The following PRTG variants were observed in gnomAD, a reference collection of about 807,000 sequenced individuals.
The protein encoded by PRTG is protogenin.
In PRTG, 67 loss-of-function variants were observed where a neutral mutation model predicts 122.5. That is an observed-to-expected ratio of 0.55 (90% CI 0.45 to 0.67). PRTG has a LOEUF of 0.67. Among genes scored for constraint, PRTG ranks in the 30% least tolerant of loss-of-function variants. PRTG has a pLI of 0.00. For synonymous variants in PRTG, 554 were observed against 501.1 expected, an observed-to-expected ratio of 1.11 and a Z score of -1.41; for missense variants, 1,435 against 1,415.4, an observed-to-expected ratio of 1.01 and a Z score of -0.22.
chr15:55,666,984 C>G (rs1241003921), intron 11 of PRTG, among the ~76,000 whole-genome samples: 2 of 152,104 alleles, frequency 1.3e-5, no homozygotes, highest in Admixed American at 1.3e-4. Context: ...TTTTCTTTTA[C>G]CGTCAGTGCC....
At chr15:55,642,803 T>C (rs1474967793) in intron 11 of PRTG, among the ~76,000 whole-genome samples, 1 of 152,060 alleles carries the variant, frequency 6.6e-6, no homozygotes, top group African/African-American at 2.4e-5. Flanking sequence ...AATCTAAAAA[T>C]AGAGGATGGG....
rs373946986 is a variant in PRTG, at chr15:55,673,394, G to A, written c.1829C>T (p.Thr610Met). ...GESSVWTSHR[T>M]PKATSVKAPK... ...ACCTTTCACGCTTGTAGCTTTGGGC[G>A]TCCTATGTGAAGTCCATACTGATGA... The change falls in exon 10 of 20, where the codon ACG (threonine) becomes ATG (methionine). Residue 610 changes from threonine (T) to methionine (M), a missense_variant. Coordinates refer to ENST00000389286, the MANE Select transcript of PRTG (RefSeq NM_173814.6). 2.0e-5 allele frequency: 32 copies of A among 1,612,798 alleles called. No individual in the cohort carries two copies. Among genetic ancestry groups the A allele is most frequent in the African/African-American group, 1.6e-4 (12 of 74,866 alleles).
At chr15:55,688,595 G>T (rs146095315) in intron 2 of PRTG, among the ~76,000 whole-genome samples, 118 of 152,272 alleles carry the variant, frequency 7.7e-4, no homozygotes, top group African/African-American at 2.6e-3. Flanking sequence ...CAGCACTTTG[G>T]GAGGCCAAGG....
At chr15:55,715,498 G>A (rs1158677425) in intron 2 of PRTG, among the ~76,000 whole-genome samples, 4 of 152,194 alleles carry the variant, frequency 2.6e-5, no homozygotes, top group African/African-American at 9.6e-5. Flanking sequence ...TTGAGAGTAT[G>A]TGAAGCATTT....
intron 16 of PRTG, among the ~76,000 whole-genome samples, chr15:55,628,386 GA>G (rs35201571): frequency 0.84 from 119,531 of 142,712 alleles, 49,892 homozygotes; most frequent in East Asian, 0.93. Flanking sequence ...GACAGAGAGG[GA>G]AAAAAAAAAA....
At chr15:55,708,795 T>C (rs1256647946) in intron 2 of PRTG, among the ~76,000 whole-genome samples, 1 of 152,048 alleles carries the variant, frequency 6.6e-6, no homozygotes, top group Non-Finnish European at 1.5e-5. Flanking sequence ...GAGGCTGTGA[T>C]ATACTTTTTT....
At chr15:55,724,580 G>A (rs1378991199) in intron 2 of PRTG, among the ~76,000 whole-genome samples, 4 of 151,562 alleles carry the variant, frequency 2.6e-5, no homozygotes, top group Admixed American at 6.6e-5. Flanking sequence ...GCAAAACCCT[G>A]TCTCTACTTA....
chr15:55,691,278 A>G (rs1295364755), intron 2 of PRTG, among the ~76,000 whole-genome samples: 4 of 147,636 alleles, frequency 2.7e-5, no homozygotes, highest in African/African-American at 1.0e-4. Flanking sequence ...CCTGGGAAAC[A>G]AGAGTAAAAC....
At position 55,659,078 on chromosome 15, in the gene PRTG, T is replaced by C. The variant is rs189874718; in HGVS notation, c.2041+13367A>G. Among the ~76,000 whole-genome samples, 12 of 152,314 alleles carry C rather than the reference T, an allele frequency of 7.9e-5. No homozygotes were observed. The East Asian group carries it at 2.3e-3, about 29-fold the overall frequency. ...CAGCTGAGGCAGCTGCTCTAGTTCCTATGATAAATCAAGATAAAGGTCAAT... is the reference window on the plus strand; with the variant it reads ...CAGCTGAGGCAGCTGCTCTAGTTCCCATGATAAATCAAGATAAAGGTCAAT... On this transcript the variant is annotated intron_variant, in intron 11 of 19. Coordinates refer to ENST00000389286, the MANE Select transcript of PRTG (RefSeq NM_173814.6).
rs988776847 is a variant in PRTG at position 55,617,115 on chromosome 15, C to T, written c.*2897G>A. 1 of 151,956 alleles carries T rather than the reference C, an allele frequency of 6.6e-6. No homozygotes were observed. The highest frequency in any genetic ancestry group is 2.4e-5 in the African/African-American group (1 of 41,406). The allele number at this position is 151,956 out of a possible 1,614,324, so 9.4% of individuals were successfully genotyped here. A position where few individuals can be genotyped will look rare whatever the true frequency, so the allele number is the denominator to read the frequency against. Reference sequence around the variant, plus strand: ...AGTGAAAATCTTCACATTTTAATTACAATTTCATACTTAAGACTTCAAAGA... The same window carrying T: ...AGTGAAAATCTTCACATTTTAATTATAATTTCATACTTAAGACTTCAAAGA... On this transcript the variant is annotated 3_prime_UTR_variant, in exon 20 of 20. Coordinates refer to ENST00000389286, the MANE Select transcript of PRTG (RefSeq NM_173814.6).
chr15:55,629,371 A>ATGTGTGTGTGTGTGTGTGTG, intron 15 of PRTG, among the ~76,000 whole-genome samples: 1 of 35,558 alleles, frequency 2.8e-5, no homozygotes, highest in African/African-American at 8.5e-5. Flanking sequence ...ATATATATAT[A>ATGTGTGTGTGTGTGTGTGTG]TATATGTGTG....
rs74017553 is a variant in PRTG at position 55,710,035 on chromosome 15, A to C, written c.398-26104T>G. On this transcript the variant is annotated intron_variant, in intron 2 of 19. Transcript: ENST00000389286. Reference sequence around the variant, plus strand: ...TAACATTTTTTAAATCTGAAAAAAAACCCGGCATATGTGGGCATATATGTG... The same window carrying C: ...TAACATTTTTTAAATCTGAAAAAAACCCCGGCATATGTGGGCATATATGTG... 2.1e-3 allele frequency among the ~76,000 whole-genome samples: 327 copies of C among 152,278 alleles called. 3 individuals are homozygous for C. The highest frequency in any genetic ancestry group is 7.8e-3 in the African/African-American group (324 of 41,552).
At chr15:55,720,157 T>C (rs2141867063) in intron 2 of PRTG, among the ~76,000 whole-genome samples, 1 of 152,132 alleles carries the variant, frequency 6.6e-6, no homozygotes, top group East Asian at 1.9e-4. Context: ...GGCAGGCGGA[T>C]CACCTGAGGT....
chr15:55,728,808 T>C (rs12901963), intron 2 of PRTG, among the ~76,000 whole-genome samples: 69,828 of 152,056 alleles, frequency 0.46, 18,471 homozygotes, highest in Middle Eastern at 0.63. Context: ...AATAAAGCTG[T>C]ATCACTCATA....
chr15:55,719,559 T>C (rs1278482312), intron 2 of PRTG, among the ~76,000 whole-genome samples: 2 of 152,186 alleles, frequency 1.3e-5, no homozygotes, highest in Non-Finnish European at 2.9e-5. Context: ...CAATGGCAAT[T>C]TAACCAATTA....
Position 55,624,403 on chromosome 15 carries a change from G to C in PRTG, c.3032C>G (p.Ala1011Gly), listed in dbSNP as rs1240177394. 1.2e-6 allele frequency: 2 copies of C among 1,614,012 alleles called. No individual in the cohort carries two copies. The highest frequency in any genetic ancestry group is 1.7e-5 in the Admixed American group (1 of 60,012). ...GNEVGKNLEGAVGNEESLMPM... is the reference protein window; with the variant it reads ...GNEVGKNLEGGVGNEESLMPM... Reference sequence around the variant, plus strand: ...CATTAAAGATTCTTCATTTCCTACAGCTCCTTCCAGGTTCTTTCCTACCTC... The same window carrying C: ...CATTAAAGATTCTTCATTTCCTACACCTCCTTCCAGGTTCTTTCCTACCTC... Residue 1011 changes from alanine to glycine, a missense_variant, in exon 18 of 20, where the codon GCT becomes GGT. Coordinates refer to ENST00000389286, the MANE Select transcript of PRTG (RefSeq NM_173814.6).
At position 55,680,555 on chromosome 15, in the gene PRTG, C is replaced by T. The variant is rs754736220; in HGVS notation, c.750G>A (p.Gln250=). Residue 250 remains glutamine (Q), a synonymous_variant, in exon 5 of 20, where the codon CAG becomes CAA. Transcript: ENST00000389286. ...TGGCCATGCATTCCAAAACTACAGTCTGATGAAGAGATGTTGTTATGTTCT... is the reference window on the plus strand; with the variant it reads ...TGGCCATGCATTCCAAAACTACAGTTTGATGAAGAGATGTTGTTATGTTCT... ...GPQNITTSLH[Q]TVVLECMATG... The T allele has an allele frequency of 6.2e-7, 1 of 1,601,708 alleles. No individual in the cohort carries two copies.
rs772342098 is a variant in PRTG at position 55,639,826 on chromosome 15, C to G, written c.2140G>C (p.Val714Leu). The G allele has an allele frequency of 2.5e-6, 4 of 1,613,456 alleles. No homozygotes were observed. In the African/African-American group the frequency reaches 4.0e-5, roughly 16 times the overall value. The change falls in exon 13 of 20, where the codon GTT becomes CTT. Residue 714 changes from valine to leucine, a missense_variant and splice_region_variant. Transcript: ENST00000389286. ...GGAGGAGGGACCATGCGATCACGAA[C>G]AGCTATTGAGAAAAACAATGTTAAT... ...QTVSTPGCVS[V>L]RDRMVPPPPP...
intron 2 of PRTG, among the ~76,000 whole-genome samples, chr15:55,722,581 T>G (rs2141870657): frequency 6.6e-6 from 1 of 151,796 alleles, no homozygotes; most frequent in Non-Finnish European, 1.5e-5. Flanking sequence ...AAGTCAGAAA[T>G]AAACAGAGAG....
Sources: gnomAD v4.1 joint callset for allele counts (sites outside exome capture counted in the v4.1 genomes callset) on GRCh38, gnomAD v4.1.1 for gene constraint, MANE v1.5 for transcripts, NCBI Gene and HGNC (gene_info 2026-07-23, HGNC 2026-07-21) for gene names.